HHAT: variants seen among roughly 807,000 people sequenced by gnomAD.
HHAT encodes protein-cysteine N-palmitoyltransferase HHAT.
A neutral mutation model predicts 70.8 loss-of-function variants in HHAT; 47 were observed. The ratio of observed to expected loss-of-function variants is 0.66; its 90% CI spans 0.53 to 0.85. HHAT has a LOEUF of 0.85. Among genes scored for constraint, HHAT ranks in the 40% least tolerant of loss-of-function variants. The pLI, the probability that HHAT is intolerant of heterozygous loss-of-function variation, is 0.00. For synonymous variants in HHAT, 228 were observed against 247.6 expected, an observed-to-expected ratio of 0.92 and a Z score of 0.74; for missense variants, 609 against 604.8, an observed-to-expected ratio of 1.01 and a Z score of -0.07.
At chr1:210,573,388 A>T (rs1421563114) in intron 9 of HHAT, among the ~76,000 whole-genome samples, 1 of 152,166 alleles carries the variant, frequency 6.6e-6, no homozygotes, top group East Asian at 1.9e-4. Context: ...AATTGAAGTG[A>T]TGTGCCTGGC....
At chr1:210,504,246 T>C (rs1017507329) in intron 8 of HHAT, among the ~76,000 whole-genome samples, 2 of 152,228 alleles carry the variant, frequency 1.3e-5, no homozygotes, top group African/African-American at 4.8e-5. Context: ...ATTTCCTGGA[T>C]AATTATAGCA....
chr1:210,371,305 T>A (rs2089554601), intron 3 of HHAT, among the ~76,000 whole-genome samples: 1 of 152,218 alleles, frequency 6.6e-6, no homozygotes, highest in Non-Finnish European at 1.5e-5. Flanking sequence ...TGTGCCATCA[T>A]ACTTGGCTAA....
intron 9 of HHAT, among the ~76,000 whole-genome samples, chr1:210,530,451 A>C (rs2095302832): frequency 6.6e-6 from 1 of 152,168 alleles, no homozygotes; most frequent in South Asian, 2.1e-4. Flanking sequence ...TGCATTAATT[A>C]GAGGAGATTC....
At chr1:210,612,131 TA>T (rs1666715771) in intron 10 of HHAT, among the ~76,000 whole-genome samples, 1 of 152,198 alleles carries the variant, frequency 6.6e-6, no homozygotes, top group African/African-American at 2.4e-5. Context: ...TCCATGTATC[TA>T]TTGGTAAAGG....
intron 9 of HHAT, among the ~76,000 whole-genome samples, chr1:210,572,079 T>G (rs1036421091): frequency 3.3e-5 from 5 of 152,236 alleles, no homozygotes; most frequent in Non-Finnish European, 5.9e-5. Flanking sequence ...AATGTTACAC[T>G]GGCACGGCTG....
intron 1 of HHAT, among the ~76,000 whole-genome samples, chr1:210,334,270 C>T (rs1450180643): frequency 6.7e-6 from 1 of 149,810 alleles, no homozygotes; most frequent in Non-Finnish European, 1.5e-5. Flanking sequence ...AGGCTCCCAC[C>T]TCAGCCTGCT....
At position 210,519,527 on chromosome 1, in the gene HHAT, C is replaced by CTTTTTTTTT. The variant is rs35244381; in HGVS notation, c.1043+6349_1043+6357dup. Among the ~76,000 whole-genome samples the CTTTTTTTTT allele has an allele frequency of 3.9e-5, 5 of 127,474 alleles. 1 individual carries two copies. The highest frequency in any genetic ancestry group is 8.1e-5 in the Non-Finnish European group (5 of 61,500). The allele number at this position is 127,474 out of a possible 152,430, so 83.6% of individuals were successfully genotyped here. On this transcript the variant is annotated intron_variant, in intron 9 of 11. Transcript: ENST00000261458. The stretch of plus-strand genomic sequence containing the variant: ...ACATCCTTGCCAACAATTTTCTTTG[C>CTTTTTTTTT]TTTTTTTTTTTTTTTTTTGAGGCAG...
chr1:210,667,751 T>C (rs1049265903), intron 11 of HHAT, among the ~76,000 whole-genome samples: 1 of 152,210 alleles, frequency 6.6e-6, no homozygotes, highest in African/African-American at 2.4e-5. Flanking sequence ...AGTATACATT[T>C]TATATAAATA....
intron 11 of HHAT, among the ~76,000 whole-genome samples, chr1:210,667,070 A>G (rs1679052333): frequency 1.4e-5 from 2 of 146,420 alleles, no homozygotes; most frequent in Admixed American, 7.0e-5. Context: ...ACAGAGCAAA[A>G]CATCTCAAAA....
At chr1:210,329,978 C>T (rs2084846236) in intron 1 of HHAT, among the ~76,000 whole-genome samples, 1 of 152,138 alleles carries the variant, frequency 6.6e-6, no homozygotes, top group African/African-American at 2.4e-5. Context: ...AATTCCTGAC[C>T]TCGGGTGATC....
chr1:210,590,707 C>T (rs1354427549), intron 10 of HHAT, among the ~76,000 whole-genome samples: 1 of 152,056 alleles, frequency 6.6e-6, no homozygotes, highest in East Asian at 1.9e-4. Context: ...CTGCTTTATT[C>T]AGTCTACTGA....
intron 11 of HHAT, among the ~76,000 whole-genome samples, chr1:210,640,715 C>G (rs964639026): frequency 6.6e-6 from 1 of 151,454 alleles, no homozygotes; most frequent in African/African-American, 2.4e-5. Flanking sequence ...TGTTAGCCAG[C>G]TTTGTTATTT....
chr1:210,540,546 C>T (rs2148658951), intron 9 of HHAT, among the ~76,000 whole-genome samples: 1 of 151,698 alleles, frequency 6.6e-6, no homozygotes, highest in African/African-American at 2.4e-5. Flanking sequence ...CTCTAACTCA[C>T]CCTCATAGAC....
At chr1:210,533,004 G>A (rs184790447) in intron 9 of HHAT, among the ~76,000 whole-genome samples, 117 of 152,252 alleles carry the variant, frequency 7.7e-4, no homozygotes, top group Non-Finnish European at 1.0e-3. Context: ...AGGTTTTCTG[G>A]AATATACCCT....
At chr1:210,479,451 A>G (rs1206372884) in intron 8 of HHAT, among the ~76,000 whole-genome samples, 5 of 152,052 alleles carry the variant, frequency 3.3e-5, no homozygotes, top group Admixed American at 2.6e-4. Flanking sequence ...TTCCACATCT[A>G]TTGTCTCATT....
At chr1:210,535,435 G>T (rs913129851) in intron 9 of HHAT, among the ~76,000 whole-genome samples, 1 of 151,642 alleles carries the variant, frequency 6.6e-6, no homozygotes, top group South Asian at 2.1e-4. Context: ...GTGTGTTTGT[G>T]TGTGTGTGTG....
chr1:210,438,422 G>C (rs1196334388), intron 7 of HHAT, among the ~76,000 whole-genome samples: 1 of 151,764 alleles, frequency 6.6e-6, no homozygotes, highest in African/African-American at 2.4e-5. Flanking sequence ...CTTTCTTATG[G>C]ATGAGTGGCA....
intron 3 of HHAT, among the ~76,000 whole-genome samples, chr1:210,381,066 G>A (rs923592472): frequency 5.3e-5 from 8 of 152,024 alleles, no homozygotes; most frequent in African/African-American, 1.4e-4. Flanking sequence ...AAGGCTAAAT[G>A]GGTAGAAGTG....
intron 11 of HHAT, among the ~76,000 whole-genome samples, chr1:210,663,453 A>G (rs1278948910): frequency 3.3e-5 from 5 of 152,164 alleles, no homozygotes; most frequent in African/African-American, 1.2e-4. Context: ...CACAGCCTTG[A>G]GTTCTAATGT....
Sources: gnomAD v4.1 joint callset for allele counts (sites outside exome capture counted in the v4.1 genomes callset) on GRCh38, gnomAD v4.1.1 for gene constraint, MANE v1.5 for transcripts, NCBI Gene and HGNC (gene_info 2026-07-23, HGNC 2026-07-21) for gene names.